SHQ1: variants seen among roughly 807,000 people sequenced by gnomAD.
SHQ1 encodes SHQ1, H/ACA ribonucleoprotein assembly factor.
Under a neutral mutation model 53.8 loss-of-function variants are expected in SHQ1, and 49 were observed. The ratio of observed to expected loss-of-function variants is 0.91; its 90% CI spans 0.72 to 1.16. The LOEUF (loss-of-function observed/expected upper bound fraction) is 1.16. SHQ1 is among the 50% of genes most tolerant of loss of function. The pLI, the probability that SHQ1 is intolerant of heterozygous loss-of-function variation, is 0.00. For missense variants in SHQ1, 738 were observed against 683.1 expected, an observed-to-expected ratio of 1.08 and a Z score of -0.90; for synonymous variants, 243 against 251.0, an observed-to-expected ratio of 0.97 and a Z score of 0.30.
chr3:72,824,571 G>T lies in SHQ1; in HGVS notation c.600-20C>A, dbSNP rs189549381. The T allele has an allele frequency of 3.5e-4, 557 of 1,601,820 alleles. 5 individuals carry two copies. In the African/African-American group the frequency reaches 6.8e-3, roughly 19 times the overall value. Reference sequence around the variant, plus strand: ...TCAGCTCTAGGAAAAAACATTGAAAGAACTTACTATACAGGATTTCACTGG... The same window carrying T: ...TCAGCTCTAGGAAAAAACATTGAAATAACTTACTATACAGGATTTCACTGG... On this transcript the variant is annotated intron_variant, in intron 5 of 10. Transcript: ENST00000325599.
At chr3:72,738,921 C>T in the SHQ1 span, among the ~76,000 whole-genome samples, 1 of 152,202 alleles carries the variant, frequency 6.6e-6, no homozygotes, top group Non-Finnish European at 1.5e-5. Flanking sequence ...GCCCGAGGAC[C>T]CGACGGAGCT....
chr3:72,776,913 T>C lies in SHQ1; in HGVS notation c.1181+16003A>G, dbSNP rs114930621. On this transcript the variant is annotated intron_variant, in intron 10 of 10. Transcript: ENST00000325599. The stretch of plus-strand genomic sequence containing the variant: ...ACCTAGAAACAGATCCACACATACA[T>C]GTTAACTTGATTTATAAGAGTGAGC... 6.2e-3 allele frequency among the ~76,000 whole-genome samples: 940 copies of C among 152,246 alleles called. 11 individuals are homozygous for C. The highest frequency in any genetic ancestry group is 0.021 in the African/African-American group (873 of 41,556).
At chr3:72,793,852 AGAAATAAGCT>A in intron 9 of SHQ1, 2 of 152,368 alleles carry the variant, frequency 1.3e-5, no homozygotes, top group Admixed American at 1.3e-4. Flanking sequence ...GCACTACTTC[AGAAATAAGCT>A]GACAAAACTC....
chr3:72,826,203 G>A (rs1020611634), intron 5 of SHQ1, among the ~76,000 whole-genome samples: 1 of 152,174 alleles, frequency 6.6e-6, no homozygotes, highest in South Asian at 2.1e-4. Flanking sequence ...TCTTGAAATA[G>A]GAATTCTCAA....
rs562283490 is a variant in SHQ1, at chr3:72,789,265, C to T, written c.1181+3651G>A. Among the ~76,000 whole-genome samples the T allele has an allele frequency of 3.3e-5, 5 of 152,272 alleles. No homozygotes were observed. The South Asian group carries it at 8.3e-4, about 25-fold the overall frequency. ...TGTATTACAGTTCATTATTTTCTAT[C>T]CCACCTTATATAAAAAGGTGCCAAC... On this transcript the variant is annotated intron_variant, in intron 10 of 10. Transcript: ENST00000325599.
At position 72,773,129 on chromosome 3, in the gene SHQ1, T is replaced by G. The variant is rs1230941827; in HGVS notation, c.1181+19787A>C. The stretch of plus-strand genomic sequence containing the variant: ...CTTCGTGAAATTGAGCTCAAAGTCA[T>G]GAAGTTTCAGGATGAGTTGGAATTT... On this transcript the variant is annotated intron_variant, in intron 10 of 10. Transcript: ENST00000325599. 13 of 763,202 alleles carry G rather than the reference T, an allele frequency of 1.7e-5. No individual in the cohort carries two copies. In the East Asian group the frequency reaches 2.7e-4, roughly 16 times the overall value. The allele number at this position is 763,202 out of a possible 1,614,324, so 47.3% of individuals were successfully genotyped here.
At chr3:72,847,360 G>A (rs563013141) in intron 1 of SHQ1, among the ~76,000 whole-genome samples, 4 of 152,272 alleles carry the variant, frequency 2.6e-5, no homozygotes, top group African/African-American at 9.6e-5. Flanking sequence ...TGGATAAAGA[G>A]AAGGACAAGA....
chr3:72,833,491 T>TAGAC lies in SHQ1; in HGVS notation c.487-1011_487-1010insGTCT, dbSNP rs1185725207. Among the ~76,000 whole-genome samples the TAGAC allele has an allele frequency of 2.5e-4, 24 of 96,244 alleles. 1 individual carries two copies. The highest frequency in any genetic ancestry group is 1.0e-3 in the African/African-American group (23 of 22,782). The allele number at this position is 96,244 out of a possible 152,430, so 63.1% of individuals were successfully genotyped here. On this transcript the variant is annotated intron_variant, in intron 4 of 10. Transcript: ENST00000325599. ...ATAGATAGATAGATAGATAGATAGA[T>TAGAC]AGATAGATAGACAGACAGACAGACA... is the stretch of plus-strand genomic sequence containing the variant.
Position 72,840,995 on chromosome 3 carries a change from T to C in SHQ1, c.486+50A>G, listed in dbSNP as rs113400448. 5.9e-5 allele frequency: 91 copies of C among 1,552,008 alleles called. 1 individual carries two copies. The African/African-American group carries it at 1.0e-3, about 17-fold the overall frequency. On this transcript the variant is annotated intron_variant, in intron 4 of 10. Coordinates refer to ENST00000325599, the MANE Select transcript of SHQ1 (RefSeq NM_018130.3). Reference sequence around the variant, plus strand: ...TGTAAGCATAACTGAAATTAAAATATCCAAATGGAAAAACCCTATAGATCA... The same window carrying C: ...TGTAAGCATAACTGAAATTAAAATACCCAAATGGAAAAACCCTATAGATCA...
chr3:72,817,360 T>C lies in SHQ1; in HGVS notation c.752A>G (p.Tyr251Cys). 6.2e-7 allele frequency: 1 copy of C among 1,611,802 alleles called. No homozygotes were observed. Among genetic ancestry groups the C allele is most frequent in the South Asian group, 1.1e-5 (1 of 90,786 alleles). Residue 251 changes from tyrosine to cysteine, a missense_variant, in exon 7 of 11, where the codon TAT (tyrosine) becomes TGT (cysteine). Transcript: ENST00000325599. ...TTTATTGACAAATTTTCGTAGCTGA[T>C]ACTTCTCTTCTTCAGAAAAAGACAC... ...TLVSFSEEEK[Y>C]QLRKFVNKSY...
downstream of SHQ1, among the ~76,000 whole-genome samples, chr3:72,748,329 CAAAAAAAAAAAA>C (rs572927520): frequency 0.012 from 686 of 58,662 alleles, 4 homozygotes; most frequent in African/African-American, 0.025. Context: ...ATGAGGCATG[CAAAAAAAAAAAA>C]AAAAAAAAAA....
At chr3:72,803,572 A>G (rs965280736) in intron 9 of SHQ1, among the ~76,000 whole-genome samples, 2 of 152,166 alleles carry the variant, frequency 1.3e-5, no homozygotes, top group African/African-American at 4.8e-5. Flanking sequence ...TCGGCTCCCT[A>G]CAAAAGGGCT....
intron 6 of SHQ1, among the ~76,000 whole-genome samples, chr3:72,819,667 G>T (rs192316445): frequency 2.6e-4 from 39 of 152,258 alleles, no homozygotes; most frequent in Admixed American, 2.3e-3. Flanking sequence ...AGAGGCAAAA[G>T]AAAATCCCCA....
chr3:72,758,130 T>C (rs550742417), intron 10 of SHQ1, among the ~76,000 whole-genome samples: 1 of 152,274 alleles, frequency 6.6e-6, no homozygotes, highest in East Asian at 1.9e-4. Context: ...AAGTTGCTGG[T>C]GAAATTCCTA....
chr3:72,827,762 T>G (rs1407920631), intron 5 of SHQ1, among the ~76,000 whole-genome samples: 1 of 148,786 alleles, frequency 6.7e-6, no homozygotes, highest in African/African-American at 2.5e-5. Flanking sequence ...ACTTTTTTTT[T>G]TTTTTTTTTT....
chr3:72,824,583 C>G, intron 5 of SHQ1, 32 bp from the exon 6 acceptor site: 1 of 1,580,422 alleles, frequency 6.3e-7, no homozygotes. Flanking sequence ...ACTTACTATA[C>G]AGGATTTCAC....
At chr3:72,763,050 CACACACACACACAG>C (rs1445163357) in intron 10 of SHQ1, among the ~76,000 whole-genome samples, 2 of 142,114 alleles carry the variant, frequency 1.4e-5, no homozygotes, top group African/African-American at 5.6e-5. Flanking sequence ...CACACACACA[CACACACACACACAG>C]AGAGAGAGAG....
intron 6 of SHQ1, 145 bp downstream of exon 6, chr3:72,824,279 G>T: frequency 1.0e-6 from 1 of 959,146 alleles, no homozygotes; most frequent in Non-Finnish European, 1.5e-6. Context: ...GGGCAAAGAA[G>T]TCATTTCCAA....
intron 1 of SHQ1, chr3:72,846,132 A>C: frequency 7.5e-7 from 1 of 1,334,720 alleles, no homozygotes; most frequent in South Asian, 1.3e-5. Context: ...AGAAAATGTG[A>C]GCTATTATTA....
Sources: allele counts gnomAD v4.1 joint callset (sites outside exome capture counted in the v4.1 genomes callset), GRCh38; gene constraint gnomAD v4.1.1; transcripts MANE v1.5; gene names NCBI Gene and HGNC (gene_info 2026-07-23, HGNC 2026-07-21).